The following SLC24A4 variants were observed in gnomAD, a reference collection of about 807,000 sequenced individuals.
The protein encoded by SLC24A4 is solute carrier family 24 member 4, also known as sodium/potassium/calcium exchanger 4.
SLC24A4 carries 53 observed loss-of-function variants against 79.0 expected under a neutral mutation model. The ratio of observed to expected loss-of-function variants is 0.67; its 90% CI spans 0.54 to 0.84. SLC24A4 has a LOEUF of 0.84. Ranked by LOEUF, SLC24A4 falls within the 40% of genes least tolerant of loss-of-function variation. The probability of loss-of-function intolerance (pLI) is 0.00; values close to 1 mark genes in which losing one functional copy is unlikely to be tolerated. For synonymous variants in SLC24A4, 323 were observed against 323.8 expected, an observed-to-expected ratio of 1.00 and a Z score of 0.03; for missense variants, 731 against 822.0, an observed-to-expected ratio of 0.89 and a Z score of 1.35.
chr14:92,468,402 C>G (rs1341519932), intron 12 of SLC24A4, among the ~76,000 whole-genome samples: 48 of 152,146 alleles, frequency 3.2e-4, no homozygotes, highest in Admixed American at 3.1e-3. Context: ...CAGAAACCGA[C>G]AAGCTGATCC....
chr14:92,330,920 A>T (rs1353083388), intron 2 of SLC24A4, among the ~76,000 whole-genome samples: 2 of 152,206 alleles, frequency 1.3e-5, no homozygotes, highest in Non-Finnish European at 2.9e-5. Context: ...TTCAGTCTGT[A>T]TAAGGAACCA....
intron 2 of SLC24A4, among the ~76,000 whole-genome samples, chr14:92,404,726 C>T (rs906864316): frequency 2.0e-5 from 3 of 152,302 alleles, no homozygotes; most frequent in East Asian, 1.9e-4. Flanking sequence ...ATATGTATCT[C>T]AATGCCAACT....
chr14:92,352,731 G>A (rs995335873), intron 2 of SLC24A4, among the ~76,000 whole-genome samples: 2 of 152,196 alleles, frequency 1.3e-5, no homozygotes. Context: ...GGCTGATGTC[G>A]GAGGTTTGGT....
intron 2 of SLC24A4, among the ~76,000 whole-genome samples, chr14:92,358,049 T>C (rs879762893): frequency 7.2e-5 from 11 of 152,140 alleles, no homozygotes; most frequent in Non-Finnish European, 1.3e-4. Context: ...GCTGGCAGGC[T>C]CACTGTCTGC....
chr14:92,425,883 G>A (rs1891535237), intron 2 of SLC24A4, among the ~76,000 whole-genome samples: 1 of 152,144 alleles, frequency 6.6e-6, no homozygotes, highest in South Asian at 2.1e-4. Flanking sequence ...TTGGGAGGAT[G>A]TGATGTGGGG....
chr14:92,456,706 C>T (rs1050351674), intron 12 of SLC24A4, 98 bp downstream of exon 12: 15 of 1,234,468 alleles, frequency 1.2e-5, no homozygotes, highest in East Asian at 2.5e-5. Flanking sequence ...CTTGTAAGGG[C>T]GGCAGAGGGC....
chr14:92,391,783 T>C (rs1229083147), intron 2 of SLC24A4, among the ~76,000 whole-genome samples: 2 of 152,244 alleles, frequency 1.3e-5, no homozygotes, highest in Non-Finnish European at 1.5e-5. Flanking sequence ...CCAGCGGCCA[T>C]GCTCTGAGCA....
At chr14:92,381,152 T>C (rs1888823434) in intron 2 of SLC24A4, among the ~76,000 whole-genome samples, 3 of 152,284 alleles carry the variant, frequency 2.0e-5, no homozygotes, top group South Asian at 2.1e-4. Context: ...TGCAGCACTA[T>C]TTACAATAGC....
chr14:92,447,289 C>T, intron 8 of SLC24A4, 82 bp from the exon 9 acceptor site: 1 of 1,290,746 alleles, frequency 7.7e-7, no homozygotes, highest in Admixed American at 1.7e-5. Context: ...TCCCGCCCTT[C>T]CCCACTTCTG....
intron 12 of SLC24A4, among the ~76,000 whole-genome samples, chr14:92,470,109 T>C (rs957980972): frequency 6.6e-6 from 1 of 152,222 alleles, no homozygotes; most frequent in Admixed American, 6.5e-5. Flanking sequence ...AGAGTGGTGG[T>C]CCTCAAAGTG....
intron 3 of SLC24A4, among the ~76,000 whole-genome samples, chr14:92,438,839 C>A (rs909320348): frequency 3.3e-5 from 5 of 152,148 alleles, no homozygotes; most frequent in Non-Finnish European, 7.3e-5. Context: ...ATTCAACCTC[C>A]AGCCCCTCTC....
chr14:92,456,586 C>T lies in SLC24A4; in HGVS notation c.1233C>T (p.Phe411=), dbSNP rs548069574. 27 of 1,613,754 alleles carry T rather than the reference C, an allele frequency of 1.7e-5. No homozygotes were observed. The African/African-American group carries it at 2.9e-4, about 18-fold the overall frequency. The change falls in exon 12 of 17, where the codon TTC becomes TTT. Residue 411 remains phenylalanine, a synonymous_variant. Coordinates refer to ENST00000532405, the MANE Select transcript of SLC24A4 (RefSeq NM_153646.4). ...PPEPEPVEAD[F]LSPFSVPEAR... ...AGCCAGAGCCGGTGGAGGCTGACTT[C>T]CTGTCCCCCTTCTCCGTGCCGGGTG...
chr14:92,477,347 T>C (rs1021705760), intron 12 of SLC24A4, among the ~76,000 whole-genome samples: 5 of 152,172 alleles, frequency 3.3e-5, no homozygotes, highest in Admixed American at 6.5e-5. Flanking sequence ...GTAGTAAGAG[T>C]TCTTTACATA....
chr14:92,468,672 A>G (rs1225944511), intron 12 of SLC24A4, among the ~76,000 whole-genome samples: 1 of 152,238 alleles, frequency 6.6e-6, no homozygotes, highest in Non-Finnish European at 1.5e-5. Flanking sequence ...ACTCTTTTCA[A>G]CAAATGGTGC....
At chr14:92,440,573 G>A (rs1328967210) in intron 4 of SLC24A4, among the ~76,000 whole-genome samples, 1 of 152,098 alleles carries the variant, frequency 6.6e-6, no homozygotes, top group Non-Finnish European at 1.5e-5. Context: ...GGAGCCTATG[G>A]AAGGTGAAAG....
intron 3 of SLC24A4, among the ~76,000 whole-genome samples, chr14:92,437,927 A>G (rs1892264361): frequency 1.3e-5 from 2 of 152,184 alleles, no homozygotes; most frequent in Non-Finnish European, 2.9e-5. Flanking sequence ...TTGAGAGAGT[A>G]GAAAAAAAAG....
chr14:92,334,763 G>A (rs111251594), intron 2 of SLC24A4, among the ~76,000 whole-genome samples: 22 of 152,194 alleles, frequency 1.4e-4, no homozygotes, highest in Admixed American at 4.6e-4. Flanking sequence ...TTTCTCTTTT[G>A]TAAAATGAGG....
At chr14:92,392,552 T>C (rs61975650) in intron 2 of SLC24A4, among the ~76,000 whole-genome samples, 10,621 of 151,930 alleles carry the variant, frequency 0.07, 512 homozygotes, top group Non-Finnish European at 0.097. Context: ...ATGAGGGCGG[T>C]AGCGGCCAGT....
chr14:92,475,109 T>G (rs1220370967), intron 12 of SLC24A4, among the ~76,000 whole-genome samples: 1 of 151,844 alleles, frequency 6.6e-6, no homozygotes, highest in African/African-American at 2.4e-5. Flanking sequence ...AAGTCCCCAG[T>G]GTACTGTTGT....
Sources: allele counts gnomAD v4.1 joint callset (sites outside exome capture counted in the v4.1 genomes callset), GRCh38; gene constraint gnomAD v4.1.1; transcripts MANE v1.5; gene names NCBI Gene and HGNC (gene_info 2026-07-23, HGNC 2026-07-21).